Variants in DLGAP1 observed in about 807,000 individuals in gnomAD.
The protein encoded by DLGAP1 is DLG associated protein 1.
In DLGAP1, 11 loss-of-function variants were observed where a neutral mutation model predicts 90.8. The observed-to-expected ratio is 0.12, with a 90% CI of 0.08 to 0.20. DLGAP1 has a LOEUF of 0.20. Ranked by LOEUF, DLGAP1 falls within the 10% of genes least tolerant of loss-of-function variation. DLGAP1 has a pLI of 1.00. For missense variants in DLGAP1, 1,050 were observed against 1,333.8 expected (o/e 0.79, Z 3.31); for synonymous variants, 558 against 540.7 (o/e 1.03, Z -0.44).
intron 1 of DLGAP1, among the ~76,000 whole-genome samples, chr18:4,329,437 C>T (rs2143706396): frequency 6.6e-6 from 1 of 151,970 alleles, no homozygotes; most frequent in East Asian, 1.9e-4. Flanking sequence ...AGTTCTCCAG[C>T]TTTGTTTTCT....
chr18:3,500,019 C>T lies in DLGAP1; in HGVS notation c.2725-625G>A, dbSNP rs1171901772. Among the ~76,000 whole-genome samples, 7 of 152,084 alleles carry T rather than the reference C, an allele frequency of 4.6e-5. No homozygotes were observed. The East Asian group carries it at 1.2e-3, about 25-fold the overall frequency. On this transcript the variant is annotated intron_variant, in intron 12 of 12. Transcript: ENST00000315677. ...AAGCAATATACAATATACAGGGTCA[C>T]GGGAGAGGGAGGCCATTGATATTTC...
At chr18:4,202,537 A>G (rs2077627633) in intron 1 of DLGAP1, among the ~76,000 whole-genome samples, 1 of 152,258 alleles carries the variant, frequency 6.6e-6, no homozygotes, top group African/African-American at 2.4e-5. Context: ...AGAAAGATCA[A>G]AGCTAGTTGA....
chr18:3,892,659 G>A (rs2071500946), intron 3 of DLGAP1, among the ~76,000 whole-genome samples: 1 of 152,078 alleles, frequency 6.6e-6, no homozygotes, highest in South Asian at 2.1e-4. Context: ...GTGCTAGATT[G>A]TATGGTACAT....
At chr18:4,296,009 A>G (rs1445740375) in intron 1 of DLGAP1, among the ~76,000 whole-genome samples, 2 of 152,250 alleles carry the variant, frequency 1.3e-5, no homozygotes, top group Non-Finnish European at 2.9e-5. Context: ...AACATCAAGG[A>G]AACAGTTTTA....
In DLGAP1 at chr18:3,543,021, C is replaced by T. The variant is rs556632620; in HGVS notation, c.2058-8406G>A. Among the ~76,000 whole-genome samples the T allele has an allele frequency of 3.0e-3, 452 of 152,312 alleles. 4 individuals are homozygous for T. Among genetic ancestry groups the T allele is most frequent in the African/African-American group, 0.01 (427 of 41,568 alleles). ...ACACAACCCTAAAGTTGAGGAAACA[C>T]TGATGGTGTTGAATCAGAGAACTTA... is the stretch of plus-strand genomic sequence containing the variant. On this transcript the variant is annotated intron_variant, in intron 9 of 12. Coordinates refer to ENST00000315677, the MANE Select transcript of DLGAP1 (RefSeq NM_004746.4).
intron 2 of DLGAP1, among the ~76,000 whole-genome samples, chr18:4,083,820 G>A (rs374646639): frequency 2.4e-4 from 36 of 152,182 alleles, no homozygotes; most frequent in African/African-American, 8.4e-4. Flanking sequence ...GACAGCTCCC[G>A]AGGCCCCAGT....
chr18:4,347,720 A>G (rs530014090), intron 1 of DLGAP1, among the ~76,000 whole-genome samples: 5 of 152,202 alleles, frequency 3.3e-5, no homozygotes, highest in African/African-American at 9.6e-5. Context: ...GGACAACACT[A>G]GAAGCATTCC....
intron 1 of DLGAP1, among the ~76,000 whole-genome samples, chr18:4,210,646 G>A (rs1051784554): frequency 2.6e-5 from 4 of 152,140 alleles, no homozygotes; most frequent in South Asian, 2.1e-4. Flanking sequence ...ATGGCCTCTC[G>A]GAGAATAGAA....
At chr18:4,045,465 A>AAAAAAAAAAAAG (rs2075038289) in intron 2 of DLGAP1, among the ~76,000 whole-genome samples, 2 of 130,194 alleles carry the variant, frequency 1.5e-5, no homozygotes, top group African/African-American at 5.8e-5. Context: ...AAAAAAAAAA[A>AAAAAAAAAAAAG]GCTTGCCCCT....
intron 1 of DLGAP1, among the ~76,000 whole-genome samples, chr18:4,411,621 G>A (rs2082779299): frequency 1.3e-5 from 2 of 152,164 alleles, no homozygotes; most frequent in African/African-American, 4.8e-5. Context: ...GATGGGCTCA[G>A]CGAGGCAGCT....
At chr18:4,189,347 G>A (rs1466449433) in intron 1 of DLGAP1, among the ~76,000 whole-genome samples, 1 of 152,012 alleles carries the variant, frequency 6.6e-6, no homozygotes, top group Non-Finnish European at 1.5e-5. Context: ...TATAAGAACA[G>A]TTGTAGCTTA....
chr18:3,592,516 C>G (rs2145569545), intron 7 of DLGAP1, among the ~76,000 whole-genome samples: 1 of 152,316 alleles, frequency 6.6e-6, no homozygotes, highest in South Asian at 2.1e-4. Flanking sequence ...AATCCTTACT[C>G]TGTGTACTGG....
chr18:4,103,507 C>A (rs1328045035), intron 2 of DLGAP1, among the ~76,000 whole-genome samples: 1 of 152,042 alleles, frequency 6.6e-6, no homozygotes, highest in Non-Finnish European at 1.5e-5. Context: ...TTTATTCTGG[C>A]CAACTTGATT....
chr18:3,995,296 G>A (rs915043312), intron 3 of DLGAP1: 1 of 151,972 alleles, frequency 6.6e-6, no homozygotes, highest in Non-Finnish European at 1.5e-5. Context: ...AAGAAGCCCG[G>A]GTGAATAGAA....
chr18:3,628,055 T>G (rs1308365062), intron 7 of DLGAP1, among the ~76,000 whole-genome samples: 1 of 151,940 alleles, frequency 6.6e-6, no homozygotes, highest in East Asian at 1.9e-4. Context: ...TTTGTATTTT[T>G]AGTAGAGATG....
Position 4,084,960 on chromosome 18 carries a change from C to CAAATAA in DLGAP1, c.-159+66219_-159+66220insTTATTT, listed in dbSNP as rs11283105. Among the ~76,000 whole-genome samples the CAAATAA allele has an allele frequency of 1.3e-5, 2 of 151,332 alleles. No homozygotes were observed. Among genetic ancestry groups the CAAATAA allele is most frequent in the South Asian group, 4.2e-4 (2 of 4,814 alleles). On this transcript the variant is annotated intron_variant, in intron 2 of 12. Coordinates refer to ENST00000315677, the MANE Select transcript of DLGAP1 (RefSeq NM_004746.4). This position sits in a 1 kb window ranked among gnomAD's most constrained non-coding sequence, Gnocchi z 4.0. The stretch of plus-strand genomic sequence containing the variant: ...AGAGCATGCTGCAAGGAGCAGGCAT[C>CAAATAA]GTCCAGGATGGTTAATGGGGAAGAC...
intron 1 of DLGAP1, among the ~76,000 whole-genome samples, chr18:4,215,683 G>C (rs761109220): frequency 2.0e-5 from 3 of 152,032 alleles, no homozygotes; most frequent in Non-Finnish European, 4.4e-5. Context: ...GCATTAATTT[G>C]GGGCATCCTT....
chr18:3,814,065 G>T lies in DLGAP1; in HGVS notation c.1166C>A (p.Thr389Lys). 6.2e-6 allele frequency: 10 copies of T among 1,613,844 alleles called. No individual in the cohort carries two copies. The highest frequency in any genetic ancestry group is 8.5e-6 in the Non-Finnish European group (10 of 1,179,796). The part of the protein sequence containing the change: ...ATQPSLTELT[T>K]LKISNEHSPK... ...CAGGGTTAGGACTACTCACTTGAGTGTGGTGAGTTCTGTAAGGGATGGCTG... is the reference window on the plus strand; with the variant it reads ...CAGGGTTAGGACTACTCACTTGAGTTTGGTGAGTTCTGTAAGGGATGGCTG... The change falls in exon 5 of 13, where the codon ACA (threonine) becomes AAA (lysine). Residue 389 changes from threonine (T) to lysine (K), a missense_variant. This residue lies in a region of DLGAP1 where 565 missense variants were observed against 879.7 expected (regional missense o/e 0.64). Transcript: ENST00000315677.
intron 5 of DLGAP1, among the ~76,000 whole-genome samples, chr18:3,803,876 T>G (rs994472830): frequency 3.3e-5 from 5 of 150,986 alleles, no homozygotes; most frequent in African/African-American, 1.2e-4. Flanking sequence ...TACTTATTTA[T>G]GTTAAACAAT....
Sources: gnomAD v4.1 joint callset for allele counts (sites outside exome capture counted in the v4.1 genomes callset) on GRCh38, gnomAD v4.1.1 for gene constraint, gnomAD v4.1.1 regional missense constraint, Gnocchi (gnomAD v3.1) non-coding constraint, MANE v1.5 for transcripts, NCBI Gene and HGNC (gene_info 2026-07-23, HGNC 2026-07-21) for gene names.